PLCL1: variants seen among roughly 807,000 people sequenced by gnomAD.
The protein encoded by PLCL1 is inactive phospholipase C-like protein 1.
In PLCL1, 41 loss-of-function variants were observed where a neutral mutation model predicts 84.4. That is an observed-to-expected ratio of 0.49 (90% confidence interval 0.38 to 0.63). The LOEUF (loss-of-function observed/expected upper bound fraction) is 0.63. PLCL1 is among the 30% of genes least tolerant of loss of function. The pLI is 0.00. For synonymous variants in PLCL1, 490 were observed against 488.3 expected, an observed-to-expected ratio of 1.00 and a Z score of -0.05; for missense variants, 1,206 against 1,367.8, an observed-to-expected ratio of 0.88 and a Z score of 1.87.
chr2:197,860,499 G>A (rs1180661251), intron 1 of PLCL1, among the ~76,000 whole-genome samples: 2 of 152,150 alleles, frequency 1.3e-5, no homozygotes, highest in African/African-American at 4.8e-5. Context: ...CTCCGGTAGT[G>A]TATAAGTGTT....
Position 198,059,994 on chromosome 2 carries a change from C to T in PLCL1, c.241-23764C>T, listed in dbSNP as rs186465903. 6.8e-4 allele frequency among the ~76,000 whole-genome samples: 104 copies of T among 152,270 alleles called. 3 individuals carry two copies. The South Asian group carries it at 0.014, about 20-fold the overall frequency. ...GGCTGCATGAGGTTATCTGACTGCA[C>T]ATACTGTTATGGGCCTGGGATGTCC... On this transcript the variant is annotated intron_variant, in intron 1 of 5. Transcript: ENST00000428675.
chr2:197,955,196 C>A (rs1438809201), intron 1 of PLCL1, among the ~76,000 whole-genome samples: 1 of 151,960 alleles, frequency 6.6e-6, no homozygotes, highest in Non-Finnish European at 1.5e-5. Flanking sequence ...TTTCTTAATA[C>A]AGCTTTGCAG....
At chr2:197,991,979 G>A (rs1283913307) in intron 1 of PLCL1, among the ~76,000 whole-genome samples, 1 of 151,962 alleles carries the variant, frequency 6.6e-6, no homozygotes, top group Non-Finnish European at 1.5e-5. Flanking sequence ...CTGATGCTTT[G>A]CTCAGCTCTG....
intron 1 of PLCL1, among the ~76,000 whole-genome samples, chr2:197,832,294 T>C (rs1471419710): frequency 6.6e-6 from 1 of 151,776 alleles, no homozygotes; most frequent in Non-Finnish European, 1.5e-5. Context: ...AAGAATCAAA[T>C]AGACACAATA....
intron 1 of PLCL1, among the ~76,000 whole-genome samples, chr2:197,899,057 GT>G (rs2105734612): frequency 6.6e-6 from 1 of 152,226 alleles, no homozygotes; most frequent in Non-Finnish European, 1.5e-5. Context: ...TATTCATTGA[GT>G]GTCTAGTATA....
At chr2:198,021,368 G>T (rs1013989712) in intron 1 of PLCL1, among the ~76,000 whole-genome samples, 1 of 152,042 alleles carries the variant, frequency 6.6e-6, no homozygotes, top group Non-Finnish European at 1.5e-5. Context: ...AAATTCAAAA[G>T]CTAGCAGAAG....
rs1220462945 is a variant in PLCL1 at position 198,147,913 on chromosome 2, A to C, written c.*951A>C. ...GGATGTAATTTAGGGTACTAAATTT[A>C]AATTTAAAGATATTGTTCAAACAAT... On this transcript the variant is annotated 3_prime_UTR_variant, in exon 6 of 6. Coordinates refer to ENST00000428675, the MANE Select transcript of PLCL1 (RefSeq NM_006226.4). 6.6e-6 allele frequency: 1 copy of C among 152,322 alleles called. No individual in the cohort carries two copies. Among genetic ancestry groups the C allele is most frequent in the African/African-American group, 2.4e-5 (1 of 41,452 alleles). 9.4% of individuals were successfully genotyped at this position (152,322 alleles called of 1,614,324 possible). A position where few individuals can be genotyped will look rare whatever the true frequency, so the allele number is the denominator to read the frequency against.
intron 5 of PLCL1, among the ~76,000 whole-genome samples, chr2:198,139,533 A>G (rs1694334341): frequency 6.6e-6 from 1 of 152,218 alleles, no homozygotes; most frequent in Non-Finnish European, 1.5e-5. Flanking sequence ...ATATGGCAAT[A>G]CATGTTATTT....
At chr2:198,094,823 G>T (rs959071787) in intron 3 of PLCL1, among the ~76,000 whole-genome samples, 3 of 152,104 alleles carry the variant, frequency 2.0e-5, no homozygotes, top group African/African-American at 7.2e-5. Flanking sequence ...GGGCAGCCCT[G>T]TTTACTGTTA....
chr2:197,972,807 A>G lies in PLCL1; in HGVS notation c.241-110951A>G, dbSNP rs76416015. Among the ~76,000 whole-genome samples the G allele has an allele frequency of 8.9e-3, 1,361 of 152,270 alleles. 14 individuals are homozygous for G. Among genetic ancestry groups the G allele is most frequent in the Non-Finnish European group, 0.016 (1,064 of 68,000 alleles). ...CAAAATTTTTTCCTTATCAAGGTCT[A>G]ATTTTTATATGGTGTGAAAAGCACT... On this transcript the variant is annotated intron_variant, in intron 1 of 5. Coordinates refer to ENST00000428675, the MANE Select transcript of PLCL1 (RefSeq NM_006226.4).
At chr2:197,897,233 T>TCTTCTTCC (rs1688170581) in intron 1 of PLCL1, among the ~76,000 whole-genome samples, 1 of 101,762 alleles carries the variant, frequency 9.8e-6, no homozygotes, top group Admixed American at 1.1e-4. Context: ...CCTCTTCTTC[T>TCTTCTTCC]TCCTCCTTCT....
intron 1 of PLCL1, among the ~76,000 whole-genome samples, chr2:198,029,533 G>A (rs2105847465): frequency 6.6e-6 from 1 of 152,176 alleles, no homozygotes; most frequent in East Asian, 1.9e-4. Context: ...AGGAAAAGCA[G>A]GGTTTTAGAC....
At chr2:197,833,528 C>T (rs1691115407) in intron 1 of PLCL1, among the ~76,000 whole-genome samples, 1 of 152,040 alleles carries the variant, frequency 6.6e-6, no homozygotes, top group Non-Finnish European at 1.5e-5. Context: ...TCCCATACAC[C>T]AATAATAGAC....
intron 1 of PLCL1, among the ~76,000 whole-genome samples, chr2:197,896,329 T>C (rs1391596324): frequency 6.6e-6 from 1 of 151,960 alleles, no homozygotes; most frequent in East Asian, 1.9e-4. Flanking sequence ...GTCAGAAATA[T>C]GCATAAGTAA....
chr2:198,088,490 C>A (rs1331389980), intron 2 of PLCL1, among the ~76,000 whole-genome samples: 1 of 152,158 alleles, frequency 6.6e-6, no homozygotes, highest in Admixed American at 6.5e-5. Flanking sequence ...GGGTGGTGAG[C>A]AGTAGCATCC....
In PLCL1 at chr2:197,929,542, C is replaced by T. The variant is rs140964842; in HGVS notation, c.240+124203C>T. ...CTTAGTGGGATTCATATCAAGAATT[C>T]CTTCCTTTTCTCTTGACAGTTTTCA... On this transcript the variant is annotated intron_variant, in intron 1 of 5. Coordinates refer to ENST00000428675, the MANE Select transcript of PLCL1 (RefSeq NM_006226.4). 3.5e-3 allele frequency among the ~76,000 whole-genome samples: 530 copies of T among 152,226 alleles called. 4 individuals carry two copies. Among genetic ancestry groups the T allele is most frequent in the African/African-American group, 0.012 (491 of 41,552 alleles).
chr2:198,063,680 T>C (rs1365841581), intron 1 of PLCL1, among the ~76,000 whole-genome samples: 10 of 152,216 alleles, frequency 6.6e-5, no homozygotes, highest in Non-Finnish European at 1.5e-5. Context: ...ACATGACTAA[T>C]GACATATTTG....
chr2:197,946,553 G>A (rs1180382570), intron 1 of PLCL1, among the ~76,000 whole-genome samples: 3 of 152,148 alleles, frequency 2.0e-5, no homozygotes, highest in Non-Finnish European at 4.4e-5. Flanking sequence ...GCTAGTGGAA[G>A]TTAGAAAGAT....
intron 1 of PLCL1, among the ~76,000 whole-genome samples, chr2:197,881,780 G>C (rs1452451421): frequency 6.6e-6 from 1 of 152,074 alleles, no homozygotes; most frequent in Non-Finnish European, 1.5e-5. Context: ...ACACACAAAA[G>C]CAGACAGATC....
Sources: allele counts gnomAD v4.1 joint callset (sites outside exome capture counted in the v4.1 genomes callset), GRCh38; gene constraint gnomAD v4.1.1; transcripts MANE v1.5; gene names NCBI Gene and HGNC (gene_info 2026-07-23, HGNC 2026-07-21).